The following LSAMP variants were observed in gnomAD, a reference collection of about 807,000 sequenced individuals.
The protein encoded by LSAMP is limbic system associated membrane protein.
LSAMP carries 7 observed loss-of-function variants against 38.6 expected under a neutral mutation model. The observed-to-expected ratio is 0.18, with a 90% CI of 0.10 to 0.34. The LOEUF (loss-of-function observed/expected upper bound fraction) is 0.34. Among genes scored for constraint, LSAMP ranks in the 10% least tolerant of loss-of-function variants. LSAMP has a pLI of 1.00. For synonymous variants in LSAMP, 154 were observed against 166.8 expected (o/e 0.92, Z 0.59); for missense variants, 313 against 420.0 (o/e 0.75, Z 2.23).
At chr3:116,038,003 A>T (rs977871569) in intron 2 of LSAMP, among the ~76,000 whole-genome samples, 1 of 152,112 alleles carries the variant, frequency 6.6e-6, no homozygotes, top group African/African-American at 2.4e-5. Flanking sequence ...CTAGAATAAA[A>T]GATATGAGTG....
chr3:116,240,236 C>A (rs1417728088), intron 1 of LSAMP, among the ~76,000 whole-genome samples: 1 of 152,124 alleles, frequency 6.6e-6, no homozygotes, highest in Non-Finnish European at 1.5e-5. Flanking sequence ...ATCTATCATG[C>A]ATGCTATTTA....
intron 1 of LSAMP, among the ~76,000 whole-genome samples, chr3:116,435,281 A>T (rs2049334678): frequency 6.6e-6 from 1 of 152,142 alleles, no homozygotes; most frequent in Admixed American, 6.5e-5. Flanking sequence ...CTCAGGTCTA[A>T]GTCCCTAATT....
intron 1 of LSAMP, among the ~76,000 whole-genome samples, chr3:116,092,493 A>G (rs1708145715): frequency 6.6e-6 from 1 of 152,202 alleles, no homozygotes; most frequent in South Asian, 2.1e-4. Context: ...ACCTACTGGA[A>G]CTGCAAATCT....
chr3:116,181,873 T>C (rs1415479959), intron 1 of LSAMP, among the ~76,000 whole-genome samples: 1 of 151,902 alleles, frequency 6.6e-6, no homozygotes, highest in Non-Finnish European at 1.5e-5. Context: ...TGAATGAAAA[T>C]CTCTTTCGTG....
chr3:116,169,980 C>T (rs1405478996), intron 1 of LSAMP, among the ~76,000 whole-genome samples: 4 of 152,154 alleles, frequency 2.6e-5, no homozygotes, highest in Admixed American at 6.5e-5. Flanking sequence ...AGCGAATTAA[C>T]GAGCTTAAAC....
At chr3:116,430,766 A>C (rs2049269949) in intron 1 of LSAMP, among the ~76,000 whole-genome samples, 1 of 152,036 alleles carries the variant, frequency 6.6e-6, no homozygotes, top group South Asian at 2.1e-4. Flanking sequence ...GGTAATTGAT[A>C]GGGGGATACT....
intron 2 of LSAMP, among the ~76,000 whole-genome samples, chr3:116,065,190 G>A (rs573265347): frequency 6.6e-6 from 1 of 152,246 alleles, no homozygotes; most frequent in East Asian, 1.9e-4. Context: ...AGGGTTCTAC[G>A]AATAGCTGTT....
chr3:116,174,047 G>C lies in LSAMP; in HGVS notation c.156-87491C>G, dbSNP rs533509303. ...TCAGAAAATGCCAGATTTGTGCATT[G>C]TCACAGGTAAAAATCAAAGCAGCCT... On this transcript the variant is annotated intron_variant, in intron 1 of 6. Coordinates refer to ENST00000490035, the MANE Select transcript of LSAMP (RefSeq NM_002338.5). 1.4e-4 allele frequency among the ~76,000 whole-genome samples: 22 copies of C among 151,980 alleles called. 1 individual carries two copies. The highest frequency in any genetic ancestry group is 8.5e-4 in the Admixed American group (13 of 15,238).
At chr3:116,258,964 C>A (rs746928517) in intron 1 of LSAMP, among the ~76,000 whole-genome samples, 2 of 152,122 alleles carry the variant, frequency 1.3e-5, no homozygotes, top group South Asian at 2.1e-4. Flanking sequence ...AGAACCCCTA[C>A]ACATAAATGT....
intron 1 of LSAMP, among the ~76,000 whole-genome samples, chr3:116,173,043 A>G (rs1366998049): frequency 6.6e-6 from 1 of 152,036 alleles, no homozygotes; most frequent in Non-Finnish European, 1.5e-5. Flanking sequence ...AAATCTTAAG[A>G]TCGACTTATT....
intron 6 of LSAMP, among the ~76,000 whole-genome samples, chr3:115,835,100 T>A (rs1312461767): frequency 1.3e-5 from 2 of 152,186 alleles, no homozygotes; most frequent in African/African-American, 4.8e-5. Flanking sequence ...CTAGCTCAAC[T>A]TTTCCCTTAG....
chr3:115,813,598 T>C (rs1373461404), intron 6 of LSAMP, among the ~76,000 whole-genome samples: 1 of 152,198 alleles, frequency 6.6e-6, no homozygotes, highest in African/African-American at 2.4e-5. Flanking sequence ...CTATTTAGTG[T>C]ACTTATATGA....
intron 1 of LSAMP, among the ~76,000 whole-genome samples, chr3:116,092,864 T>C (rs1708153969): frequency 6.6e-6 from 1 of 152,168 alleles, no homozygotes; most frequent in Non-Finnish European, 1.5e-5. Flanking sequence ...CTACCAAATA[T>C]TAAGCCTGTT....
intron 1 of LSAMP, among the ~76,000 whole-genome samples, chr3:116,139,184 G>C (rs1709319169): frequency 6.6e-6 from 1 of 151,886 alleles, no homozygotes; most frequent in African/African-American, 2.4e-5. Context: ...AAGAGTCAAA[G>C]AAAGTTGTAG....
At chr3:115,831,237 C>G (rs1352919393) in intron 6 of LSAMP, among the ~76,000 whole-genome samples, 2 of 152,140 alleles carry the variant, frequency 1.3e-5, no homozygotes, top group Admixed American at 1.3e-4. Flanking sequence ...AATGGAAAGG[C>G]TGTTCACTTG....
intron 2 of LSAMP, among the ~76,000 whole-genome samples, chr3:116,033,920 G>A (rs1023320868): frequency 3.3e-5 from 5 of 152,112 alleles, no homozygotes; most frequent in Non-Finnish European, 5.9e-5. Context: ...CTTTGCATCA[G>A]CTCTATATTT....
At chr3:116,408,946 A>G (rs570450929) in intron 1 of LSAMP, among the ~76,000 whole-genome samples, 1 of 152,154 alleles carries the variant, frequency 6.6e-6, no homozygotes, top group Admixed American at 6.5e-5. Flanking sequence ...CAGGAGATAT[A>G]CGTTCTATTC....
chr3:115,976,247 C>A (rs1180500908), intron 3 of LSAMP, among the ~76,000 whole-genome samples: 1 of 152,118 alleles, frequency 6.6e-6, no homozygotes, highest in African/African-American at 2.4e-5. Flanking sequence ...AAATATTCTC[C>A]ATAAAATATT....
chr3:115,912,046 T>C (rs1316327252), intron 3 of LSAMP, among the ~76,000 whole-genome samples: 2 of 152,214 alleles, frequency 1.3e-5, no homozygotes, highest in African/African-American at 4.8e-5. Context: ...TTGAGAGTCC[T>C]TTATACATTC....
Sources: gnomAD v4.1 joint callset for allele counts (sites outside exome capture counted in the v4.1 genomes callset) on GRCh38, gnomAD v4.1.1 for gene constraint, MANE v1.5 for transcripts, NCBI Gene and HGNC (gene_info 2026-07-23, HGNC 2026-07-21) for gene names.